Variants in IPO11 observed in about 807,000 individuals in gnomAD.
IPO11 encodes importin 11.
In IPO11, 66 loss-of-function variants were observed where a neutral mutation model predicts 143.2. That is an observed-to-expected ratio of 0.46 (90% confidence interval 0.38 to 0.57). The LOEUF (loss-of-function observed/expected upper bound fraction) is 0.57. IPO11 is among the 20% of genes least tolerant of loss of function. The probability of loss-of-function intolerance (pLI) is 0.00; values close to 1 mark genes in which losing one functional copy is unlikely to be tolerated. For missense variants in IPO11, 1,026 were observed against 1,141.0 expected (o/e 0.90, Z 1.45); for synonymous variants, 385 against 377.8 (o/e 1.02, Z -0.22).
chr5:62,504,921 A>AT (rs759499855), intron 18 of IPO11, 23 bp downstream of exon 18: 85 of 1,419,878 alleles, frequency 6.0e-5, no homozygotes, highest in South Asian at 2.1e-4. Context: ...ATTTCCAGGT[A>AT]TTTTTTTTAA....
intron 27 of IPO11, among the ~76,000 whole-genome samples, chr5:62,566,456 G>A (rs896947372): frequency 1.3e-5 from 2 of 151,970 alleles, no homozygotes; most frequent in Non-Finnish European, 2.9e-5. Context: ...GTTTTGGCTA[G>A]GCACAGTGGC....
intron 25 of IPO11, among the ~76,000 whole-genome samples, chr5:62,550,911 T>G (rs1743365295): frequency 6.7e-6 from 1 of 150,098 alleles, no homozygotes. Context: ...GAGCCGAGAT[T>G]GCGCCGCTGC....
At chr5:62,515,833 C>G (rs1741993727) in intron 20 of IPO11, among the ~76,000 whole-genome samples, 1 of 152,102 alleles carries the variant, frequency 6.6e-6, no homozygotes, top group Admixed American at 6.5e-5. Context: ...AATGTTTTCA[C>G]TCTTTTTCCT....
At chr5:62,498,101 T>G (rs564201018) in intron 16 of IPO11, among the ~76,000 whole-genome samples, 2 of 152,178 alleles carry the variant, frequency 1.3e-5, no homozygotes, top group African/African-American at 4.8e-5. Context: ...TGCATTCTTA[T>G]AGCTTTCAAT....
At chr5:62,487,330 A>G (rs1746444467) in intron 12 of IPO11, among the ~76,000 whole-genome samples, 3 of 151,950 alleles carry the variant, frequency 2.0e-5, no homozygotes, top group African/African-American at 7.3e-5. Flanking sequence ...TGGGAGGTGG[A>G]GGTTGCAGTG....
intron 27 of IPO11, among the ~76,000 whole-genome samples, chr5:62,575,702 C>A (rs1744292748): frequency 6.6e-6 from 1 of 152,140 alleles, no homozygotes. Flanking sequence ...ATATCACAGG[C>A]AAAGTCACAT....
At chr5:62,584,470 G>T (rs1279425017) in intron 27 of IPO11, among the ~76,000 whole-genome samples, 7 of 151,866 alleles carry the variant, frequency 4.6e-5, no homozygotes, top group African/African-American at 1.7e-4. Flanking sequence ...AAATAAATCT[G>T]GGTGTGGTGG....
At chr5:62,545,418 C>G (rs1743133748) in intron 24 of IPO11, among the ~76,000 whole-genome samples, 1 of 152,138 alleles carries the variant, frequency 6.6e-6, no homozygotes. Flanking sequence ...GAAACTGGAT[C>G]CCTTCCTTAC....
intron 27 of IPO11, among the ~76,000 whole-genome samples, chr5:62,589,336 C>A (rs2112423931): frequency 6.6e-6 from 1 of 152,240 alleles, no homozygotes; most frequent in African/African-American, 2.4e-5. Context: ...ATGTTGGTCA[C>A]CCTCTCATCT....
At chr5:62,578,287 A>C (rs952021272) in intron 27 of IPO11, among the ~76,000 whole-genome samples, 6 of 152,122 alleles carry the variant, frequency 3.9e-5, no homozygotes, top group African/African-American at 9.6e-5. Context: ...AAATTTTAAA[A>C]AGAGCACTGG....
chr5:62,491,634 G>C (rs1746610189), intron 15 of IPO11, among the ~76,000 whole-genome samples: 1 of 151,202 alleles, frequency 6.6e-6, no homozygotes, highest in Admixed American at 6.6e-5. Context: ...ATGATATTTT[G>C]GATATATTGG....
intron 28 of IPO11, among the ~76,000 whole-genome samples, chr5:62,596,127 G>T (rs1041450810): frequency 6.6e-6 from 1 of 151,360 alleles, no homozygotes; most frequent in African/African-American, 2.4e-5. Flanking sequence ...AAATCAGCCA[G>T]GCACATGCCT....
intron 24 of IPO11, among the ~76,000 whole-genome samples, chr5:62,547,588 G>A (rs1204449853): frequency 6.6e-6 from 1 of 151,962 alleles, no homozygotes; most frequent in Admixed American, 6.6e-5. Flanking sequence ...CTCTAGCTAC[G>A]GTTCCAGACC....
chr5:62,490,146 G>A lies in IPO11; in HGVS notation c.1389G>A (p.Glu463=). 1 of 1,602,590 alleles carries A rather than the reference G, an allele frequency of 6.2e-7. No homozygotes were observed. The change falls in exon 15 of 30, where the codon GAG becomes GAA. Residue 463 remains glutamate, a synonymous_variant. Coordinates refer to ENST00000325324, the MANE Select transcript of IPO11 (RefSeq NM_016338.5). The part of the protein sequence containing the change: ...VYNAVGLAAY[E]LFDSVDFDQW... ...ATGCTGTTGGATTAGCTGCTTATGA[G>A]CTCTTTGACAGTGTTGATTTTGATC...
In IPO11 at chr5:62,566,233, A is replaced by T. The variant is rs566081683; in HGVS notation, c.2582+4976A>T. Among the ~76,000 whole-genome samples, 3 of 152,278 alleles carry T rather than the reference A, an allele frequency of 2.0e-5. No individual in the cohort carries two copies. In the South Asian group the frequency reaches 6.2e-4, roughly 32 times the overall value. ...TCTTCCACAATCATTGAACTAATTT[A>T]CATTCTCACCAACAGTGTAAAAGCA... is the stretch of plus-strand genomic sequence containing the variant. On this transcript the variant is annotated intron_variant, in intron 27 of 29. Coordinates refer to ENST00000325324, the MANE Select transcript of IPO11 (RefSeq NM_016338.5).
intron 22 of IPO11, 79 bp downstream of exon 22, chr5:62,530,864 A>G (rs1742519420): frequency 4.4e-5 from 48 of 1,096,608 alleles, no homozygotes; most frequent in Non-Finnish European, 6.1e-5. Flanking sequence ...ATTTGGAGGC[A>G]TTACAACAAA....
chr5:62,467,329 C>G (rs1438022725), intron 6 of IPO11, 66 bp downstream of exon 6: 3 of 1,473,632 alleles, frequency 2.0e-6, no homozygotes, highest in Non-Finnish European at 2.7e-6. Context: ...CAAATAGTTC[C>G]TTTAGACGGG....
chr5:62,426,506 T>G (rs773220604), intron 1 of IPO11, among the ~76,000 whole-genome samples: 1 of 152,176 alleles, frequency 6.6e-6, no homozygotes, highest in African/African-American at 2.4e-5. Flanking sequence ...ACCTACTTGA[T>G]ATGTGCTTAA....
intron 29 of IPO11, among the ~76,000 whole-genome samples, chr5:62,618,157 T>A (rs1288108136): frequency 6.6e-6 from 1 of 152,160 alleles, no homozygotes; most frequent in East Asian, 1.9e-4. Flanking sequence ...TTAAATTATC[T>A]GACCACATTA....
Sources: gnomAD v4.1 joint callset for allele counts (sites outside exome capture counted in the v4.1 genomes callset) on GRCh38, gnomAD v4.1.1 for gene constraint, MANE v1.5 for transcripts, NCBI Gene and HGNC (gene_info 2026-07-23, HGNC 2026-07-21) for gene names.